The following UBE2E3 variants were observed in gnomAD, a reference collection of about 807,000 sequenced individuals.
UBE2E3 encodes ubiquitin conjugating enzyme E2 E3.
A neutral mutation model predicts 23.6 loss-of-function variants in UBE2E3; 5 were observed. The ratio of observed to expected loss-of-function variants is 0.21; its 90% CI spans 0.11 to 0.44. The LOEUF (loss-of-function observed/expected upper bound fraction) is 0.44, where lower values mean the gene tolerates loss of function less well. Among genes scored for constraint, UBE2E3 ranks in the 20% least tolerant of loss-of-function variants. UBE2E3 has a pLI of 0.99. For missense variants in UBE2E3, 81 were observed against 249.8 expected (o/e 0.32, Z 4.55); for synonymous variants, 78 against 87.5 (o/e 0.89, Z 0.60).
intron 3 of UBE2E3, among the ~76,000 whole-genome samples, chr2:181,024,634 CTT>C (rs1232889684): frequency 3.3e-5 from 5 of 152,014 alleles, no homozygotes; most frequent in Non-Finnish European, 5.9e-5. Flanking sequence ...CTATTTTTCT[CTT>C]AACATTTTAT....
chr2:181,008,222 T>C (rs1319041330), intron 3 of UBE2E3, among the ~76,000 whole-genome samples: 3 of 152,176 alleles, frequency 2.0e-5, no homozygotes, highest in Non-Finnish European at 4.4e-5. Flanking sequence ...TGCATGAGGA[T>C]TGGATGGAAG....
chr2:181,042,447 T>G (rs1686544257), intron 3 of UBE2E3, among the ~76,000 whole-genome samples: 1 of 152,138 alleles, frequency 6.6e-6, no homozygotes, highest in African/African-American at 2.4e-5. Flanking sequence ...CCTTTTGGAA[T>G]TAGGGAAGTC....
chr2:181,036,327 CAT>C (rs1007064137), intron 3 of UBE2E3, among the ~76,000 whole-genome samples: 7 of 152,094 alleles, frequency 4.6e-5, no homozygotes, highest in Non-Finnish European at 1.0e-4. Flanking sequence ...AGGATTTCGA[CAT>C]AAAGTGTTAG....
At chr2:181,022,380 C>T (rs961808180) in intron 3 of UBE2E3, among the ~76,000 whole-genome samples, 6 of 150,706 alleles carry the variant, frequency 4.0e-5, no homozygotes, top group Non-Finnish European at 8.9e-5. Flanking sequence ...ACCGAATTAG[C>T]GAATACTGAA....
intron 3 of UBE2E3, among the ~76,000 whole-genome samples, chr2:181,053,483 C>T (rs1470235997): frequency 1.3e-5 from 2 of 151,608 alleles, no homozygotes; most frequent in Admixed American, 6.6e-5. Flanking sequence ...AAACATTGAC[C>T]TCTTATTTTA....
intron 3 of UBE2E3, among the ~76,000 whole-genome samples, chr2:181,027,154 A>G (rs1400649272): frequency 1.3e-5 from 2 of 151,962 alleles, no homozygotes; most frequent in African/African-American, 2.4e-5. Context: ...GTCTACAGCC[A>G]TTTAAATAAA....
intron 3 of UBE2E3, among the ~76,000 whole-genome samples, chr2:180,992,572 C>G (rs968934790): frequency 6.6e-6 from 1 of 152,188 alleles, no homozygotes; most frequent in Non-Finnish European, 1.5e-5. Flanking sequence ...TCTTGTAGCT[C>G]TGACATTTGG....
In UBE2E3 at chr2:180,987,435, A is replaced by G. The variant is rs1351451669; in HGVS notation, c.245+3342A>G. ...CTTAACCCCTAATTTCTTTCCATAT[A>G]GGAAGAAGCACAAATATACTGACGA... is the stretch of plus-strand genomic sequence containing the variant. On this transcript the variant is annotated intron_variant, in intron 3 of 5. Coordinates refer to ENST00000410062, the MANE Select transcript of UBE2E3 (RefSeq NM_006357.4). The G allele has an allele frequency of 3.9e-6, 6 of 1,546,134 alleles. No individual in the cohort carries two copies. The East Asian group carries it at 1.2e-4, about 32-fold the overall frequency.
chr2:180,989,924 T>G, intron 3 of UBE2E3: 1 of 1,549,670 alleles, frequency 6.5e-7, no homozygotes, highest in Non-Finnish European at 8.7e-7. Context: ...ACATTCAGAT[T>G]GAGAATGAAG....
intron 3 of UBE2E3, among the ~76,000 whole-genome samples, chr2:181,046,257 AGTCTT>A (rs1013186752): frequency 2.1e-4 from 32 of 152,174 alleles, no homozygotes; most frequent in African/African-American, 7.7e-4. Flanking sequence ...TTGAATTTTG[AGTCTT>A]TCGCAGGTCA....
At chr2:180,984,653 T>C (rs368864126) in intron 3 of UBE2E3, among the ~76,000 whole-genome samples, 2 of 152,328 alleles carry the variant, frequency 1.3e-5, no homozygotes, top group Admixed American at 6.5e-5. Context: ...AATGTCCTAA[T>C]TGCTTGGGAA....
intron 3 of UBE2E3, among the ~76,000 whole-genome samples, chr2:181,010,404 T>C (rs1574178817): frequency 6.6e-6 from 1 of 152,256 alleles, no homozygotes; most frequent in East Asian, 1.9e-4. Flanking sequence ...GAGTAGTGGG[T>C]GTACAAGTCG....
At chr2:181,027,044 TCTTAA>T (rs1381014777) in intron 3 of UBE2E3, among the ~76,000 whole-genome samples, 3 of 151,922 alleles carry the variant, frequency 2.0e-5, no homozygotes, top group Non-Finnish European at 2.9e-5. Context: ...GCGCAGAGTA[TCTTAA>T]CTTTATTCTA....
Position 181,007,114 on chromosome 2 carries a change from AT to A in UBE2E3, c.245+23030del, listed in dbSNP as rs910892185. ...CACCTCCTTTGACCTAAATTTAATC[AT>A]TTTTTTTTCCAGTAGTCTGTGGTGA... On this transcript the variant is annotated intron_variant, in intron 3 of 5. Coordinates refer to ENST00000410062, the MANE Select transcript of UBE2E3 (RefSeq NM_006357.4). Among the ~76,000 whole-genome samples, 52 of 151,512 alleles carry A rather than the reference AT, an allele frequency of 3.4e-4. 1 individual carries two copies. Among genetic ancestry groups the A allele is most frequent in the African/African-American group, 1.0e-3 (43 of 41,312 alleles).
chr2:181,043,425 G>T (rs1242737580), intron 3 of UBE2E3, among the ~76,000 whole-genome samples: 1 of 152,044 alleles, frequency 6.6e-6, no homozygotes, highest in Non-Finnish European at 1.5e-5. Flanking sequence ...TTAAAATATT[G>T]TATAAAATTA....
In UBE2E3 at chr2:180,999,841, G is replaced by A. The variant is rs948423828; in HGVS notation, c.245+15748G>A. 1.1e-4 allele frequency among the ~76,000 whole-genome samples: 16 copies of A among 152,180 alleles called. No homozygotes were observed. In the East Asian group the frequency reaches 3.1e-3, roughly 29 times the overall value. On this transcript the variant is annotated intron_variant, in intron 3 of 5. Coordinates refer to ENST00000410062, the MANE Select transcript of UBE2E3 (RefSeq NM_006357.4). Reference sequence around the variant, plus strand: ...ATAATACCTGTTTCATCATTCTTAAGTGTTTTAGATATTATGTAACTGGTA... The same window carrying A: ...ATAATACCTGTTTCATCATTCTTAAATGTTTTAGATATTATGTAACTGGTA...
At chr2:181,011,552 T>G (rs1169510031) in intron 3 of UBE2E3, among the ~76,000 whole-genome samples, 4 of 152,116 alleles carry the variant, frequency 2.6e-5, no homozygotes, top group Non-Finnish European at 5.9e-5. Context: ...CCAGTGCACC[T>G]AAATCAAAAC....
At chr2:181,047,145 C>G (rs1334828980) in intron 3 of UBE2E3, among the ~76,000 whole-genome samples, 3 of 152,142 alleles carry the variant, frequency 2.0e-5, no homozygotes, top group Admixed American at 1.3e-4. Flanking sequence ...TTCTAACACA[C>G]TTTTCAAACC....
At chr2:181,056,081 T>TAAAAAA (rs58442227) in intron 3 of UBE2E3, among the ~76,000 whole-genome samples, 2 of 135,678 alleles carry the variant, frequency 1.5e-5, no homozygotes, top group African/African-American at 2.7e-5. Context: ...AGGAAATGCT[T>TAAAAAA]AAAAAAAAAA....
Sources: gnomAD v4.1 joint callset for allele counts (sites outside exome capture counted in the v4.1 genomes callset) on GRCh38, gnomAD v4.1.1 for gene constraint, MANE v1.5 for transcripts, NCBI Gene and HGNC (gene_info 2026-07-23, HGNC 2026-07-21) for gene names.